Variants in PBLD observed in about 807,000 individuals in gnomAD.
PBLD encodes the protein phenazine biosynthesis like protein domain containing.
In PBLD, 26 loss-of-function variants were observed where a neutral mutation model predicts 31.3. That is an observed-to-expected ratio of 0.83 (90% CI 0.61 to 1.15). PBLD has a LOEUF of 1.15. Ranked by LOEUF, PBLD falls within the 50% of genes most tolerant of loss-of-function variation. PBLD has a pLI of 0.00. For synonymous variants in PBLD, 114 were observed against 129.0 expected, an observed-to-expected ratio of 0.88 and a Z score of 0.79; for missense variants, 307 against 351.7, an observed-to-expected ratio of 0.87 and a Z score of 1.02.
At chr10:68,289,663 T>TCACACACACACACACACACACA (rs1183126379) in intron 6 of PBLD, among the ~76,000 whole-genome samples, 22 of 136,496 alleles carry the variant, frequency 1.6e-4, no homozygotes, top group Middle Eastern at 3.6e-3. Flanking sequence ...AGGCCAAAGA[T>TCACACACACACACACACACACA]CACACACACA....
At chr10:68,301,110 G>A (rs914359763) in intron 2 of PBLD, among the ~76,000 whole-genome samples, 2 of 152,094 alleles carry the variant, frequency 1.3e-5, no homozygotes, top group Non-Finnish European at 2.9e-5. Flanking sequence ...TGGCCAGACT[G>A]GTCTCAAACT....
chr10:68,303,026 G>A (rs905654221), intron 2 of PBLD, among the ~76,000 whole-genome samples: 2 of 150,648 alleles, frequency 1.3e-5, no homozygotes, highest in Admixed American at 6.7e-5. Context: ...ATTGTCAAAC[G>A]GATTGTCAGG....
chr10:68,293,581 T>G (rs1164347518), intron 4 of PBLD, among the ~76,000 whole-genome samples: 3 of 152,240 alleles, frequency 2.0e-5, no homozygotes, highest in Non-Finnish European at 4.4e-5. Flanking sequence ...ACGATTTGCA[T>G]AAGACATTAT....
At chr10:68,284,496 C>G (rs2044263622) in intron 9 of PBLD, among the ~76,000 whole-genome samples, 1 of 152,204 alleles carries the variant, frequency 6.6e-6, no homozygotes, top group East Asian at 1.9e-4. Context: ...ACAGAACACA[C>G]AGCTCCACAT....
In PBLD at chr10:68,288,597, C is replaced by T. The variant is rs748767001; in HGVS notation, c.577G>A (p.Val193Met). The T allele has an allele frequency of 3.1e-6, 5 of 1,614,222 alleles. No homozygotes were observed. The highest frequency in any genetic ancestry group is 3.4e-6 in the Non-Finnish European group (4 of 1,180,050). ...TTAAGGGTAAGAATAAGCCCTTTCA[C>T]CTTCCCTGTGTTTTCAACTTGCAGC... The part of the protein sequence containing the change: ...NLLQVENTGK[V>M]KGLILTLKGE... The change falls in exon 8 of 10, where the codon GTG becomes ATG. Residue 193 changes from valine to methionine, a missense_variant. Physicochemically the swap from Val to Met is conservative, Grantham distance 21 (BLOSUM62 1). Coordinates refer to ENST00000358769, the MANE Select transcript of PBLD (RefSeq NM_022129.4).
At chr10:68,323,279 A>T (rs1481819843) in intron 1 of PBLD, among the ~76,000 whole-genome samples, 1 of 151,110 alleles carries the variant, frequency 6.6e-6, no homozygotes, top group Non-Finnish European at 1.5e-5. Flanking sequence ...AAGAGACCCT[A>T]GGCTGGGCAT....
chr10:68,319,063 G>GA (rs1554860583), intron 1 of PBLD, among the ~76,000 whole-genome samples: 1 of 108,710 alleles, frequency 9.2e-6, no homozygotes, highest in African/African-American at 4.2e-5. Flanking sequence ...GAGAAAGAAA[G>GA]AAAGAAAGAA....
rs1194288281 is a variant in PBLD, at chr10:68,292,212, C to A, written c.310G>T (p.Val104Phe). 6.2e-7 allele frequency: 1 copy of A among 1,613,502 alleles called. No individual in the cohort carries two copies. The highest frequency in any genetic ancestry group is 1.7e-5 in the Admixed American group (1 of 59,990). ...IKNMNSTLTF[V>F]TLSGELRARR... Reference sequence around the variant, plus strand: ...GCCCTTAGTTCTCCACTCAGAGTGACAAACGTGAGCGTGCTATTCATGTTT... The same window carrying A: ...GCCCTTAGTTCTCCACTCAGAGTGAAAAACGTGAGCGTGCTATTCATGTTT... Residue 104 changes from valine to phenylalanine, a missense_variant, in exon 5 of 10, where the codon GTC (valine) becomes TTC (phenylalanine). Val to Phe is a conservative substitution (Grantham distance 50). Coordinates refer to ENST00000358769, the MANE Select transcript of PBLD (RefSeq NM_022129.4).
chr10:68,285,921 T>G (rs1454760408), intron 8 of PBLD, among the ~76,000 whole-genome samples: 2 of 151,800 alleles, frequency 1.3e-5, no homozygotes, highest in African/African-American at 4.8e-5. Context: ...TCTCAAGAGA[T>G]CCACCTGCCT....
intron 2 of PBLD, among the ~76,000 whole-genome samples, chr10:68,301,342 A>C (rs976159061): frequency 6.6e-6 from 1 of 152,204 alleles, no homozygotes; most frequent in Non-Finnish European, 1.5e-5. Context: ...CCACCTAAGA[A>C]GAGGAGTAGA....
chr10:68,325,130 G>A (rs2044897969), intron 1 of PBLD, among the ~76,000 whole-genome samples: 1 of 151,896 alleles, frequency 6.6e-6, no homozygotes, highest in Non-Finnish European at 1.5e-5. Flanking sequence ...TGTAATCCCA[G>A]CGACTCGGGA....
At chr10:68,316,738 T>C (rs2044740631) in intron 1 of PBLD, among the ~76,000 whole-genome samples, 1 of 152,026 alleles carries the variant, frequency 6.6e-6, no homozygotes, top group Non-Finnish European at 1.5e-5. Flanking sequence ...ATTGGTGGGG[T>C]ACAGTGGCTC....
At chr10:68,284,837 G>A (rs890228766) in intron 9 of PBLD, among the ~76,000 whole-genome samples, 2 of 152,220 alleles carry the variant, frequency 1.3e-5, no homozygotes, top group Non-Finnish European at 1.5e-5. Flanking sequence ...GACTCGCCAA[G>A]GAAAATGAAT....
chr10:68,297,006 CATT>C, intron 2 of PBLD, 21 bp from the exon 3 acceptor site: 2 of 1,573,264 alleles, frequency 1.3e-6, no homozygotes, highest in Non-Finnish European at 1.7e-6. Flanking sequence ...AACAGACGAT[CATT>C]GAGGTTTCAA....
At chr10:68,316,832 G>C (rs776678585) in intron 1 of PBLD, among the ~76,000 whole-genome samples, 1 of 152,090 alleles carries the variant, frequency 6.6e-6, no homozygotes, top group Non-Finnish European at 1.5e-5. Flanking sequence ...GGGCAACACA[G>C]TGAAACCCTG....
At chr10:68,296,128 C>T (rs1564727477) in intron 4 of PBLD, 138 bp downstream of exon 4, 1 of 586,822 alleles carries the variant, frequency 1.7e-6, no homozygotes, top group East Asian at 2.9e-5. Context: ...TTTGTTTCTG[C>T]ATTATGAATA....
At chr10:68,303,884 C>T (rs927911552) in intron 2 of PBLD, among the ~76,000 whole-genome samples, 2 of 151,942 alleles carry the variant, frequency 1.3e-5, no homozygotes, top group African/African-American at 4.8e-5. Context: ...CTCATAAAAC[C>T]TAACATTATT....
rs548584505 is a variant in PBLD at position 68,292,014 on chromosome 10, A to G, written c.419T>C (p.Ile140Thr). 1.3e-6 allele frequency: 2 copies of G among 1,586,036 alleles called. No individual in the cohort carries two copies. The highest frequency in any genetic ancestry group is 1.1e-5 in the South Asian group (1 of 90,446). ...PQDFHEVEDL[I>T]KTAIGNTLVQ... The stretch of plus-strand genomic sequence containing the variant: ...GGTTTGATTCTTTTTACCAACCTTT[A>G]TCAAGTCCTCTACTTCATGGAAGTC... Residue 140 changes from isoleucine (I) to threonine (T), a missense_variant, in exon 6 of 10, where the codon ATA (isoleucine) becomes ACA (threonine). Coordinates refer to ENST00000358769, the MANE Select transcript of PBLD (RefSeq NM_022129.4).
At position 68,304,409 on chromosome 10, in the gene PBLD, T is replaced by A. The variant is rs185171296; in HGVS notation, c.84+2352A>T. Reference sequence around the variant, plus strand: ...GAATTGGAAAACTCTTTAGAGAGCATCCCCAAATCATGGACTTCCTTATCT... The same window carrying A: ...GAATTGGAAAACTCTTTAGAGAGCAACCCCAAATCATGGACTTCCTTATCT... On this transcript the variant is annotated intron_variant, in intron 2 of 9. Transcript: ENST00000358769. 3.9e-5 allele frequency among the ~76,000 whole-genome samples: 6 copies of A among 152,204 alleles called. No homozygotes were observed. In the East Asian group the frequency reaches 1.2e-3, roughly 29 times the overall value.
Sources: gnomAD v4.1 joint callset for allele counts (sites outside exome capture counted in the v4.1 genomes callset) on GRCh38, gnomAD v4.1.1 for gene constraint, MANE v1.5 for transcripts, NCBI Gene and HGNC (gene_info 2026-07-23, HGNC 2026-07-21) for gene names.